The following PXDNL variants were observed in gnomAD, a reference collection of about 807,000 sequenced individuals.
The protein encoded by PXDNL is peroxidasin like.
Under a neutral mutation model 150.8 loss-of-function variants are expected in PXDNL, and 145 were observed. That is an observed-to-expected ratio of 0.96 (90% CI 0.84 to 1.10). The LOEUF is 1.10. Ranked by LOEUF, PXDNL falls within the 50% of genes least tolerant of loss-of-function variation. The pLI is 0.00. For synonymous variants in PXDNL, 757 were observed against 725.7 expected (o/e 1.04, Z -0.69); for missense variants, 2,087 against 1,873.9 (o/e 1.11, Z -2.10).
chr8:51,340,684 G>GA (rs564937456), intron 20 of PXDNL, among the ~76,000 whole-genome samples: 153 of 152,244 alleles, frequency 1.0e-3, no homozygotes, highest in African/African-American at 3.4e-3. Flanking sequence ...TTAAAAAAGG[G>GA]AAACAAAGAA....
intron 2 of PXDNL, among the ~76,000 whole-genome samples, chr8:51,650,135 C>T (rs1223641141): frequency 6.6e-6 from 1 of 150,488 alleles, no homozygotes; most frequent in East Asian, 1.9e-4. Flanking sequence ...CAGTTAGTCA[C>T]CTTTGAATTG....
At chr8:51,453,455 T>C (rs1224675135) in intron 10 of PXDNL, 64 bp downstream of exon 10, 1 of 1,514,372 alleles carries the variant, frequency 6.6e-7, no homozygotes, top group Non-Finnish European at 9.1e-7. Flanking sequence ...ATTATTTAAG[T>C]TGAAAAATAA....
At chr8:51,455,791 C>T (rs1319083496) in intron 9 of PXDNL, among the ~76,000 whole-genome samples, 2 of 152,058 alleles carry the variant, frequency 1.3e-5, no homozygotes, top group Non-Finnish European at 2.9e-5. Context: ...CTTTGGGAGG[C>T]CTAGGCAGGA....
rs756794477 is a variant in PXDNL, at chr8:51,590,788, G to T, written c.308+1839C>A. ...TTTGCCTCAGGATGAATCACACCTTGAGTCTCACCCATACCAGATTCAGAT... is the reference window on the plus strand; with the variant it reads ...TTTGCCTCAGGATGAATCACACCTTTAGTCTCACCCATACCAGATTCAGAT... On this transcript the variant is annotated intron_variant, in intron 3 of 22. Coordinates refer to ENST00000356297, the MANE Select transcript of PXDNL (RefSeq NM_144651.5). Among the ~76,000 whole-genome samples, 7 of 151,972 alleles carry T rather than the reference G, an allele frequency of 4.6e-5. No homozygotes were observed. The South Asian group carries it at 1.0e-3, about 23-fold the overall frequency.
At chr8:51,508,067 G>A (rs1187653740) in intron 4 of PXDNL, among the ~76,000 whole-genome samples, 2 of 152,096 alleles carry the variant, frequency 1.3e-5, no homozygotes, top group African/African-American at 2.4e-5. Context: ...ATTAATAGAA[G>A]CAAAGTGAGG....
chr8:51,554,831 CT>C (rs1420612199), intron 4 of PXDNL, among the ~76,000 whole-genome samples: 7 of 152,074 alleles, frequency 4.6e-5, no homozygotes, highest in African/African-American at 1.4e-4. Flanking sequence ...CTTAAGCAAC[CT>C]CTAAGAAGTT....
rs1239536661 is a variant in PXDNL, at chr8:51,711,651, C to T, written c.165-56891G>A. Among the ~76,000 whole-genome samples the T allele has an allele frequency of 3.3e-5, 5 of 152,180 alleles. No homozygotes were observed. The East Asian group carries it at 9.6e-4, about 29-fold the overall frequency. On this transcript the variant is annotated intron_variant, in intron 1 of 22. Transcript: ENST00000356297. ...TATTCTATTCTCCAATTACTTTTGT[C>T]AACTTACTTTTGTTAAGTGACTTTG...
chr8:51,518,229 T>C (rs1044360111), intron 4 of PXDNL, among the ~76,000 whole-genome samples: 1 of 152,230 alleles, frequency 6.6e-6, no homozygotes, highest in African/African-American at 2.4e-5. Flanking sequence ...CGGATTCCAA[T>C]GCTGAATTTC....
chr8:51,392,796 G>C (rs1195749697), intron 17 of PXDNL, among the ~76,000 whole-genome samples: 4 of 152,308 alleles, frequency 2.6e-5, no homozygotes, highest in African/African-American at 9.6e-5. Flanking sequence ...AGTGGTGAGA[G>C]AGGGCATACC....
intron 12 of PXDNL, among the ~76,000 whole-genome samples, chr8:51,435,316 G>C (rs2129833091): frequency 6.6e-6 from 1 of 151,496 alleles, no homozygotes; most frequent in African/African-American, 2.4e-5. Flanking sequence ...GCGAGACTCT[G>C]TCTCAAAAAA....
At position 51,447,821 on chromosome 8, in the gene PXDNL, C is replaced by G. The variant is rs575483903; in HGVS notation, c.1367-659G>C. ...AAAAGGAATAGCTAACCCTATTGAGCGTACACACACTGTGCCATCAACTAT... is the reference window on the plus strand; with the variant it reads ...AAAAGGAATAGCTAACCCTATTGAGGGTACACACACTGTGCCATCAACTAT... On this transcript the variant is annotated intron_variant, in intron 11 of 22. Coordinates refer to ENST00000356297, the MANE Select transcript of PXDNL (RefSeq NM_144651.5). Among the ~76,000 whole-genome samples, 6 of 152,164 alleles carry G rather than the reference C, an allele frequency of 3.9e-5. No individual in the cohort carries two copies. The South Asian group carries it at 1.0e-3, about 26-fold the overall frequency.
chr8:51,566,656 G>A (rs1289064373), intron 3 of PXDNL, among the ~76,000 whole-genome samples: 1 of 151,308 alleles, frequency 6.6e-6, no homozygotes, highest in Non-Finnish European at 1.5e-5. Context: ...TGTGATATTA[G>A]TAATTTATGT....
At chr8:51,596,085 TG>T (rs1813559045) in intron 2 of PXDNL, among the ~76,000 whole-genome samples, 1 of 152,146 alleles carries the variant, frequency 6.6e-6, no homozygotes, top group Non-Finnish European at 1.5e-5. Flanking sequence ...CAGTGTCTAT[TG>T]TTGCCCTCAT....
intron 17 of PXDNL, among the ~76,000 whole-genome samples, chr8:51,375,025 GTA>G (rs544070920): frequency 3.3e-5 from 5 of 149,606 alleles, no homozygotes; most frequent in Non-Finnish European, 4.5e-5. Flanking sequence ...GAGTATAACT[GTA>G]TATATATATA....
intron 3 of PXDNL, among the ~76,000 whole-genome samples, chr8:51,577,967 GA>G (rs1351591900): frequency 2.2e-5 from 2 of 90,518 alleles, no homozygotes; most frequent in African/African-American, 4.4e-5. Context: ...AAGAAAGAAA[GA>G]AAGAAAGAAA....
At chr8:51,733,512 TAAAG>T (rs1461419787) in intron 1 of PXDNL, among the ~76,000 whole-genome samples, 4 of 151,816 alleles carry the variant, frequency 2.6e-5, no homozygotes, top group African/African-American at 9.7e-5. Context: ...GGAATATAAA[TAAAG>T]GAAAAAACAG....
chr8:51,410,914 G>A (rs10096044), intron 16 of PXDNL, among the ~76,000 whole-genome samples: 123,135 of 152,152 alleles, frequency 0.81, 49,976 homozygotes, highest in East Asian at 0.94. Flanking sequence ...AAGGATAAGT[G>A]GAAGAATATC....
Position 51,380,127 on chromosome 8 carries a change from TAAA to T in PXDNL, c.3558-5399_3558-5397del, listed in dbSNP as rs60696948. On this transcript the variant is annotated intron_variant, in intron 17 of 22. Coordinates refer to ENST00000356297, the MANE Select transcript of PXDNL (RefSeq NM_144651.5). The stretch of plus-strand genomic sequence containing the variant: ...CTAACACTAAGAATAGCTGACGAGC[TAAA>T]AAAAAAAAAATAACAAAAAAACTCA... Among the ~76,000 whole-genome samples the T allele has an allele frequency of 1.2e-3, 180 of 149,478 alleles. No individual in the cohort carries two copies. The East Asian group carries it at 0.012, about 10-fold the overall frequency.
intron 19 of PXDNL, among the ~76,000 whole-genome samples, chr8:51,365,780 C>T (rs183657035): frequency 2.0e-5 from 3 of 152,266 alleles, no homozygotes; most frequent in Admixed American, 2.0e-4. Flanking sequence ...CACATGCTCA[C>T]CTAAGTGAGA....
Sources: gnomAD v4.1 joint callset for allele counts (sites outside exome capture counted in the v4.1 genomes callset) on GRCh38, gnomAD v4.1.1 for gene constraint, MANE v1.5 for transcripts, NCBI Gene and HGNC (gene_info 2026-07-23, HGNC 2026-07-21) for gene names.